The following NHEJ1 variants were observed in gnomAD, a reference collection of about 807,000 sequenced individuals.
The protein encoded by NHEJ1 is non-homologous end-joining factor 1.
Under a neutral mutation model 39.4 loss-of-function variants are expected in NHEJ1, and 22 were observed. That is an observed-to-expected ratio of 0.56 (90% confidence interval 0.40 to 0.80). The LOEUF (loss-of-function observed/expected upper bound fraction) is 0.80, where lower values mean the gene tolerates loss of function less well. NHEJ1 is among the 30% of genes least tolerant of loss of function. The pLI, the probability that NHEJ1 is intolerant of heterozygous loss-of-function variation, is 0.00. For missense variants in NHEJ1, 329 were observed against 357.1 expected, an observed-to-expected ratio of 0.92 and a Z score of 0.63; for synonymous variants, 154 against 135.6, an observed-to-expected ratio of 1.14 and a Z score of -0.94.
intron 3 of NHEJ1, among the ~76,000 whole-genome samples, chr2:219,155,005 T>C (rs930309583): frequency 1.3e-5 from 2 of 148,524 alleles, no homozygotes; most frequent in South Asian, 2.1e-4. Context: ...ATAATATAGA[T>C]ATACTATATA....
intron 5 of NHEJ1, among the ~76,000 whole-genome samples, chr2:219,141,535 A>G (rs1949692298): frequency 6.6e-6 from 1 of 152,202 alleles, no homozygotes; most frequent in African/African-American, 2.4e-5. Context: ...AGTGACTCCC[A>G]AATTTCTAGC....
chr2:219,122,311 T>C (rs1050841761), intron 5 of NHEJ1, among the ~76,000 whole-genome samples: 3 of 152,260 alleles, frequency 2.0e-5, no homozygotes, highest in Admixed American at 1.3e-4. Flanking sequence ...CTGTCCTCAC[T>C]GAGCACTTCA....
chr2:219,103,074 G>A (rs1236021061), intron 5 of NHEJ1, among the ~76,000 whole-genome samples: 1 of 147,084 alleles, frequency 6.8e-6, no homozygotes, highest in Non-Finnish European at 1.5e-5. Flanking sequence ...CCAGCTACTT[G>A]GGAGGATGAG....
intron 5 of NHEJ1, among the ~76,000 whole-genome samples, chr2:219,118,691 G>C (rs1949439769): frequency 6.6e-6 from 1 of 152,218 alleles, no homozygotes; most frequent in Admixed American, 6.5e-5. Flanking sequence ...AACCAAAGGG[G>C]CCACAGGGGA....
Position 219,071,974 on chromosome 2 carries a change from T to C in NHEJ1, c.*4407A>G, listed in dbSNP as rs886672225. ...CTTCCTATGTGCTAGGATAGAGAACTGAGAGCCCAGAGCTGAGAGGATACA... is the reference window on the plus strand; with the variant it reads ...CTTCCTATGTGCTAGGATAGAGAACCGAGAGCCCAGAGCTGAGAGGATACA... On this transcript the variant is annotated 3_prime_UTR_variant, in exon 8 of 8. Coordinates refer to ENST00000356853, the MANE Select transcript of NHEJ1 (RefSeq NM_024782.3). 2.0e-5 allele frequency among the ~76,000 whole-genome samples: 3 copies of C among 152,238 alleles called. No homozygotes were observed. Among genetic ancestry groups the C allele is most frequent in the South Asian group, 4.1e-4 (2 of 4,820 alleles).
intron 5 of NHEJ1, among the ~76,000 whole-genome samples, chr2:219,110,829 C>G (rs955789342): frequency 2.0e-5 from 3 of 152,086 alleles, no homozygotes; most frequent in Non-Finnish European, 4.4e-5. Flanking sequence ...GAGGCGGCCA[C>G]CGTGGATGGA....
At chr2:219,094,653 C>T (rs1453667498) in intron 5 of NHEJ1, among the ~76,000 whole-genome samples, 1 of 152,108 alleles carries the variant, frequency 6.6e-6, no homozygotes, top group East Asian at 1.9e-4. Context: ...GGAGAGAATG[C>T]CCTGGTTACT....
intron 5 of NHEJ1, among the ~76,000 whole-genome samples, chr2:219,140,102 G>A (rs1036919656): frequency 6.6e-6 from 1 of 152,194 alleles, no homozygotes; most frequent in African/African-American, 2.4e-5. Context: ...TCCAGGCAGA[G>A]GGAACAGCCA....
At chr2:219,100,261 G>A (rs1949244330) in intron 5 of NHEJ1, among the ~76,000 whole-genome samples, 1 of 152,122 alleles carries the variant, frequency 6.6e-6, no homozygotes, top group South Asian at 2.1e-4. Context: ...CTATCAGGAC[G>A]TGAGAACAGG....
At chr2:219,143,938 C>T (rs146725311) in intron 5 of NHEJ1, among the ~76,000 whole-genome samples, 2 of 152,310 alleles carry the variant, frequency 1.3e-5, no homozygotes, top group African/African-American at 2.4e-5. Context: ...CAGTGGCTCA[C>T]GCCTGTAATC....
intron 5 of NHEJ1, among the ~76,000 whole-genome samples, chr2:219,117,729 G>C (rs968468392): frequency 6.6e-6 from 1 of 152,220 alleles, no homozygotes; most frequent in Non-Finnish European, 1.5e-5. Flanking sequence ...GGGTCTGAAA[G>C]CTGGCTTCAT....
chr2:219,155,250 A>G (rs974504282), intron 3 of NHEJ1, among the ~76,000 whole-genome samples: 12 of 151,648 alleles, frequency 7.9e-5, no homozygotes, highest in African/African-American at 2.9e-4. Flanking sequence ...GGTGTTACTT[A>G]GAAAGTTGAA....
chr2:219,091,497 A>G (rs1056815127), intron 5 of NHEJ1, among the ~76,000 whole-genome samples: 1 of 152,064 alleles, frequency 6.6e-6, no homozygotes, highest in Non-Finnish European at 1.5e-5. Flanking sequence ...TCCTGTAGAG[A>G]TGAAATGACT....
chr2:219,147,673 C>G lies in NHEJ1; in HGVS notation c.513G>C (p.Gly171=), dbSNP rs759426248. 23 of 1,614,230 alleles carry G rather than the reference C, an allele frequency of 1.4e-5. No homozygotes were observed. In the East Asian group the frequency reaches 5.1e-4, roughly 36 times the overall value. ...DLEIQDYQES[G]ATLIRDRLKT... ...TCCTCTTACCTCGAATCAGCGTAGC[C>G]CCACTCTCCTGGTAGTCTTGGATCT... Residue 171 remains glycine (G), a synonymous_variant, in exon 4 of 8, where the codon GGG becomes GGC. Transcript: ENST00000356853.
At chr2:219,136,659 G>C (rs1210025654) in intron 5 of NHEJ1, among the ~76,000 whole-genome samples, 2 of 152,072 alleles carry the variant, frequency 1.3e-5, no homozygotes, top group African/African-American at 4.8e-5. Context: ...CTGGAGTGCA[G>C]TGGCACAATC....
chr2:219,128,448 T>C (rs550732465), intron 5 of NHEJ1, among the ~76,000 whole-genome samples: 61 of 152,198 alleles, frequency 4.0e-4, no homozygotes, highest in African/African-American at 1.4e-3. Flanking sequence ...GGGGGCTAGC[T>C]CTCTTCTTTT....
chr2:219,106,808 T>C (rs13396442), intron 5 of NHEJ1, among the ~76,000 whole-genome samples: 16,320 of 152,216 alleles, frequency 0.11, 896 homozygotes, highest in African/African-American at 0.14. Flanking sequence ...GTACAGACAG[T>C]CAGCAAAGCA....
At chr2:219,121,776 T>C (rs982107186) in intron 5 of NHEJ1, among the ~76,000 whole-genome samples, 2 of 151,062 alleles carry the variant, frequency 1.3e-5, no homozygotes, top group Non-Finnish European at 3.0e-5. Flanking sequence ...CAGTGAGCCC[T>C]GATTGCACCA....
chr2:219,076,556 C>A, intron 7 of NHEJ1, 101 bp from the exon 8 acceptor site: 2 of 685,262 alleles, frequency 2.9e-6, no homozygotes, highest in Non-Finnish European at 4.8e-6. Context: ...TAGGATGAGG[C>A]CTTTTTTTTT....
Sources: gnomAD v4.1 joint callset for allele counts (sites outside exome capture counted in the v4.1 genomes callset) on GRCh38, gnomAD v4.1.1 for gene constraint, MANE v1.5 for transcripts, NCBI Gene and HGNC (gene_info 2026-07-23, HGNC 2026-07-21) for gene names.